The following IGFN1 variants were observed in gnomAD, a reference collection of about 807,000 sequenced individuals.
IGFN1 encodes immunoglobulin-like and fibronectin type III domain-containing protein 1.
In IGFN1, 253 loss-of-function variants were observed where a neutral mutation model predicts 289.5. The observed-to-expected ratio is 0.87, with a 90% CI of 0.79 to 0.97. The LOEUF is 0.97. Among genes scored for constraint, IGFN1 ranks in the 50% least tolerant of loss-of-function variants. IGFN1 has a pLI of 0.00. For synonymous variants in IGFN1, 1,706 were observed against 1,788.5 expected (o/e 0.95, Z 1.16); for missense variants, 4,470 against 4,686.1 (o/e 0.95, Z 1.35).
At chr1:201,218,489 G>T (rs1653476406) in intron 17 of IGFN1, 41 bp from the exon 18 acceptor site, 1 of 1,594,286 alleles carries the variant, frequency 6.3e-7, no homozygotes, top group African/African-American at 1.3e-5. Context: ...CCCATGTCCA[G>T]CACCATCAGG....
intron 18 of IGFN1, among the ~76,000 whole-genome samples, chr1:201,219,336 C>G (rs1396032913): frequency 6.6e-6 from 1 of 152,236 alleles, no homozygotes; most frequent in African/African-American, 2.4e-5. Context: ...AACTTATAGT[C>G]TGAGATAGCA....
At chr1:201,216,806 G>A (rs1653336046) in intron 16 of IGFN1, 53 bp downstream of exon 16, 2 of 1,456,472 alleles carry the variant, frequency 1.4e-6, no homozygotes, top group African/African-American at 1.4e-5. Flanking sequence ...GCTCCCCACT[G>A]TGCCGAGGAG....
rs563360411 is a variant in IGFN1 at position 201,196,228 on chromosome 1, G to C, written c.267+250G>C. Reference sequence around the variant, plus strand: ...CTTAAGAGCTCAAGCTCTGAAGTCAGACTGCTGGAGTTACAATCCCAGGCC... The same window carrying C: ...CTTAAGAGCTCAAGCTCTGAAGTCACACTGCTGGAGTTACAATCCCAGGCC... On this transcript the variant is annotated intron_variant, in intron 4 of 23. Transcript: ENST00000335211. Among the ~76,000 whole-genome samples, 140 of 152,342 alleles carry C rather than the reference G, an allele frequency of 9.2e-4. 1 individual carries two copies. The highest frequency in any genetic ancestry group is 2.9e-3 in the African/African-American group (119 of 41,574).
chr1:201,202,385 T>C (rs1001470151), intron 9 of IGFN1, among the ~76,000 whole-genome samples: 3 of 152,274 alleles, frequency 2.0e-5, no homozygotes, highest in African/African-American at 7.2e-5. Flanking sequence ...TCTCATGGTG[T>C]ACTGCAGCGC....
rs1359583929 is a variant in IGFN1 at position 201,208,861 on chromosome 1, G to A, written c.3968G>A (p.Gly1323Asp). The A allele has an allele frequency of 1.3e-6, 2 of 1,536,576 alleles. No individual in the cohort carries two copies. Among genetic ancestry groups the A allele is most frequent in the East Asian group, 2.4e-5 (1 of 40,906 alleles). ...SGAMGSMDEA[G>D]YRKDLGAPEG... Reference sequence around the variant, plus strand: ...GCAATGGGGTCAATGGATGAAGCAGGTTATAGGAAAGATTTAGGGGCTCCT... The same window carrying A: ...GCAATGGGGTCAATGGATGAAGCAGATTATAGGAAAGATTTAGGGGCTCCT... Residue 1323 changes from glycine (G) to aspartate (D), a missense_variant, in exon 12 of 24, where the codon GGT (glycine) becomes GAT (aspartate). This residue lies in a region of IGFN1 where 2,011 missense variants were observed against 1,953.4 expected (regional missense o/e 1.03). Coordinates refer to ENST00000335211, the MANE Select transcript of IGFN1 (RefSeq NM_001164586.2).
intron 22 of IGFN1, 45 bp downstream of exon 22, chr1:201,226,168 G>A (rs3738271): frequency 0.14 from 209,060 of 1,512,314 alleles, 15,673 homozygotes; most frequent in African/African-American, 0.24. Context: ...TGGGGGTTGC[G>A]CTCTGCAATG....
intron 11 of IGFN1, 123 bp from the exon 12 acceptor site, chr1:201,205,960 C>T (rs545269632): frequency 1.4e-6 from 1 of 720,502 alleles, no homozygotes; most frequent in Non-Finnish European, 2.3e-6. Context: ...CTGGGGAAGT[C>T]CAGGTCAGGC....
chr1:201,192,212 G>A (rs1666690862), intron 1 of IGFN1, among the ~76,000 whole-genome samples: 2 of 152,234 alleles, frequency 1.3e-5, no homozygotes, highest in South Asian at 4.1e-4. Flanking sequence ...AGTGCCAGTG[G>A]GTGGCCGTTG....
At position 201,222,764 on chromosome 1, in the gene IGFN1, C is replaced by G. The variant is rs1385320821; in HGVS notation, c.10227C>G (p.Ser3409=). ...TCTGTCCCAAGTTCCTCGTGGACTCCAGCACCAAGGACTTGCTGACAGTCA... is the reference window on the plus strand; with the variant it reads ...TCTGTCCCAAGTTCCTCGTGGACTCGAGCACCAAGGACTTGCTGACAGTCA... ...VTVCPKFLVD[S]STKDLLTVKV... The change falls in exon 20 of 24, where the codon TCC becomes TCG. Residue 3409 remains serine, a synonymous_variant. Transcript: ENST00000335211. 2.5e-6 allele frequency: 4 copies of G among 1,613,272 alleles called. No individual in the cohort carries two copies. The highest frequency in any genetic ancestry group is 2.5e-6 in the Non-Finnish European group (3 of 1,179,524).
chr1:201,224,976 G>T lies in IGFN1; in HGVS notation c.10486+102G>T, dbSNP rs983492922. 3.7e-5 allele frequency: 30 copies of T among 807,934 alleles called. No individual in the cohort carries two copies. In the African/African-American group the frequency reaches 5.1e-4, roughly 14 times the overall value. 50.0% of individuals were successfully genotyped at this position (807,934 alleles called of 1,614,324 possible). Reference sequence around the variant, plus strand: ...TCATAGGTCTCAGCCACTCTACCAGGGCTGGGTATGCAAAGTGACCATTCT... The same window carrying T: ...TCATAGGTCTCAGCCACTCTACCAGTGCTGGGTATGCAAAGTGACCATTCT... On this transcript the variant is annotated intron_variant, in intron 21 of 23. Transcript: ENST00000335211.
chr1:201,215,502 G>T (rs1466106288), intron 14 of IGFN1, 37 bp from the exon 15 acceptor site: 7 of 1,512,958 alleles, frequency 4.6e-6, no homozygotes, highest in Non-Finnish European at 6.2e-6. Flanking sequence ...GGTGCCCAGT[G>T]CCCTGGTCTT....
In IGFN1 at chr1:201,208,225, G is replaced by A. The variant is rs940996858; in HGVS notation, c.3332G>A (p.Ser1111Asn). Residue 1111 changes from serine (S) to asparagine (N), a missense_variant, in exon 12 of 24, where the codon AGC becomes AAC. Ser to Asn is a conservative substitution (Grantham distance 46, BLOSUM62 1). Coordinates refer to ENST00000335211, the MANE Select transcript of IGFN1 (RefSeq NM_001164586.2). ...GMGCVEAEPE[S>N]SGRIRPWGQT... ...GGATGTGTGGAAGCAGAACCAGAGA[G>A]CTCTGGAAGAATAAGGCCTTGGGGT... 1 of 1,536,710 alleles carries A rather than the reference G, an allele frequency of 6.5e-7. No individual in the cohort carries two copies. The highest frequency in any genetic ancestry group is 1.4e-5 in the African/African-American group (1 of 73,114).
intron 2 of IGFN1, among the ~76,000 whole-genome samples, chr1:201,193,711 G>C (rs1002176609): frequency 1.3e-5 from 2 of 152,084 alleles, no homozygotes; most frequent in South Asian, 4.2e-4. Context: ...CTCGGCCTCC[G>C]AAAGTGCTGG....
At chr1:201,194,607 C>A (rs1015217620) in intron 3 of IGFN1, among the ~76,000 whole-genome samples, 10 of 152,304 alleles carry the variant, frequency 6.6e-5, no homozygotes, top group African/African-American at 2.4e-4. Flanking sequence ...CACCTCAAAG[C>A]CACTGCTGCA....
Position 201,206,131 on chromosome 1 carries a change from A to G in IGFN1, c.1238A>G (p.Gln413Arg). ...LQSTSADHKL[Q>R]RQGAQASGAE... ...TCCACAAGTGCTGACCACAAACTGC[A>G]GAGGCAAGGAGCCCAGGCATCAGGA... is the stretch of plus-strand genomic sequence containing the variant. Residue 413 changes from glutamine (Q) to arginine (R), a missense_variant, in exon 12 of 24, where the codon CAG (glutamine) becomes CGG (arginine). Gln to Arg is a conservative substitution (Grantham distance 43). This residue lies in a region of IGFN1 where 2,011 missense variants were observed against 1,953.4 expected (regional missense o/e 1.03). Coordinates refer to ENST00000335211, the MANE Select transcript of IGFN1 (RefSeq NM_001164586.2). 4 of 1,550,908 alleles carry G rather than the reference A, an allele frequency of 2.6e-6. No homozygotes were observed. In the South Asian group the frequency reaches 4.8e-5, roughly 18 times the overall value.
rs11804558 is a variant in IGFN1, at chr1:201,207,523, C to G, written c.2630C>G (p.Thr877Arg). ...GGTGGTATCTGGGTGGCTGGACTGACGGAGTCTGGTCAGGGGGTGGATGCC... is the reference window on the plus strand; with the variant it reads ...GGTGGTATCTGGGTGGCTGGACTGAGGGAGTCTGGTCAGGGGGTGGATGCC... ...GMGGIWVAGL[T>R]ESGQGVDARS... The change falls in exon 12 of 24, where the codon ACG (threonine) becomes AGG (arginine). Residue 877 changes from threonine (T) to arginine (R), a missense_variant. This residue lies in a region of IGFN1 where 2,011 missense variants were observed against 1,953.4 expected (regional missense o/e 1.03). Transcript: ENST00000335211. The G allele has an allele frequency of 2.6e-6, 4 of 1,536,106 alleles. No individual in the cohort carries two copies. The highest frequency in any genetic ancestry group is 2.6e-6 in the Non-Finnish European group (3 of 1,146,456).
In IGFN1 at chr1:201,199,332, A is replaced by C. The variant is rs1470875560; in HGVS notation, c.368-2A>C. On this transcript the variant is annotated splice_acceptor_variant, in intron 5 of 23. Coordinates refer to ENST00000335211, the MANE Select transcript of IGFN1 (RefSeq NM_001164586.2). LOFTEE classifies it high-confidence loss of function. Reference sequence around the variant, plus strand: ...CCTTCCTCTCCTCCCTGGATGTTGCAGTTGGCTTTCGGAAGAATCGGAAGA... The same window carrying C: ...CCTTCCTCTCCTCCCTGGATGTTGCCGTTGGCTTTCGGAAGAATCGGAAGA... 1 of 1,551,966 alleles carries C rather than the reference A, an allele frequency of 6.4e-7. No individual in the cohort carries two copies. Among genetic ancestry groups the C allele is most frequent in the South Asian group, 1.2e-5 (1 of 84,058 alleles).
rs533866746 is a variant in IGFN1, at chr1:201,206,072, C to G, written c.1190-11C>G. ...GCACTGACCTTCCATATGAATAACC[C>G]CTCACTGAAGCTGGGAAGGATAAAG... On this transcript the variant is annotated splice_polypyrimidine_tract_variant and intron_variant, in intron 11 of 23. Coordinates refer to ENST00000335211, the MANE Select transcript of IGFN1 (RefSeq NM_001164586.2). 6.6e-7 allele frequency: 1 copy of G among 1,516,826 alleles called. No individual in the cohort carries two copies. The highest frequency in any genetic ancestry group is 2.5e-5 in the East Asian group (1 of 40,770). 94.0% of individuals were successfully genotyped at this position (1,516,826 alleles called of 1,614,324 possible).
At chr1:201,216,408 G>A (rs1015325178) in intron 15 of IGFN1, 46 bp from the exon 16 acceptor site, 7 of 1,469,674 alleles carry the variant, frequency 4.8e-6, no homozygotes, top group Non-Finnish European at 6.3e-6. Flanking sequence ...CTCCCCTCCA[G>A]CTCCTCTGAC....
Sources: gnomAD v4.1 joint callset for allele counts (sites outside exome capture counted in the v4.1 genomes callset) on GRCh38, gnomAD v4.1.1 for gene constraint, gnomAD v4.1.1 regional missense constraint, MANE v1.5 for transcripts, NCBI Gene and HGNC (gene_info 2026-07-23, HGNC 2026-07-21) for gene names.